SOCS4: variants seen among roughly 807,000 people sequenced by gnomAD.
The protein encoded by SOCS4 is SH2 domain containing SOCS box protein.
SOCS4 carries 20 observed loss-of-function variants against 34.1 expected under a neutral mutation model. That is an observed-to-expected ratio of 0.59 (90% CI 0.41 to 0.85). The LOEUF (loss-of-function observed/expected upper bound fraction) is 0.85, where lower values mean the gene tolerates loss of function less well. Ranked by LOEUF, SOCS4 falls within the 40% of genes least tolerant of loss-of-function variation. SOCS4 has a pLI of 0.00. For synonymous variants in SOCS4, 180 were observed against 186.4 expected, an observed-to-expected ratio of 0.97 and a Z score of 0.28; for missense variants, 479 against 532.4, an observed-to-expected ratio of 0.90 and a Z score of 0.99.
chr14:55,037,682 C>T (rs1186292816), intron 2 of SOCS4, among the ~76,000 whole-genome samples: 1 of 151,876 alleles, frequency 6.6e-6, no homozygotes, highest in African/African-American at 2.4e-5. Flanking sequence ...TTAGTAGAGA[C>T]AGGGTTTCAC....
At chr14:55,038,654 T>G (rs1197031957) in intron 2 of SOCS4, among the ~76,000 whole-genome samples, 1 of 152,210 alleles carries the variant, frequency 6.6e-6, no homozygotes, top group Admixed American at 6.5e-5. Context: ...GTATTTAAAG[T>G]CCTGAGCCCA....
intron 2 of SOCS4, among the ~76,000 whole-genome samples, chr14:55,041,406 G>A (rs990243891): frequency 1.4e-5 from 2 of 142,496 alleles, no homozygotes; most frequent in African/African-American, 5.3e-5. Flanking sequence ...GATTTTTTTT[G>A]TTGCAAAATT....
chr14:55,033,215 C>CA (rs2042544455), intron 2 of SOCS4, among the ~76,000 whole-genome samples: 1 of 152,022 alleles, frequency 6.6e-6, no homozygotes, highest in South Asian at 2.1e-4. Context: ...AGCACAATTT[C>CA]AAAAAACTAA....
At chr14:55,035,596 C>T (rs970787302) in intron 2 of SOCS4, among the ~76,000 whole-genome samples, 1 of 152,118 alleles carries the variant, frequency 6.6e-6, no homozygotes, top group Non-Finnish European at 1.5e-5. Flanking sequence ...GGCTTAGGTG[C>T]TTTAACAAAA....
intron 2 of SOCS4, among the ~76,000 whole-genome samples, chr14:55,034,360 A>G (rs11849961): frequency 0.57 from 87,345 of 152,004 alleles, 27,391 homozygotes; most frequent in African/African-American, 0.85. Context: ...ATTTTCTTCC[A>G]ACTTTGAAGA....
In SOCS4 at chr14:55,048,818, C is replaced by G. The variant is rs1178250764; in HGVS notation, c.*4454C>G. Reference sequence around the variant, plus strand: ...TAGGTGATACTTGTAACTCGACTTCCTGGAGTTAATTCTTCAGCAAGAGGT... The same window carrying G: ...TAGGTGATACTTGTAACTCGACTTCGTGGAGTTAATTCTTCAGCAAGAGGT... On this transcript the variant is annotated 3_prime_UTR_variant, in exon 3 of 3. Transcript: ENST00000555846. 5.4e-5 allele frequency: 9 copies of G among 166,980 alleles called. No homozygotes were observed. The Admixed American group carries it at 5.9e-4, about 11-fold the overall frequency. 10.3% of individuals were successfully genotyped at this position (166,980 alleles called of 1,614,324 possible).
At chr14:55,041,836 G>A (rs2042622403) in intron 2 of SOCS4, among the ~76,000 whole-genome samples, 1 of 120,930 alleles carries the variant, frequency 8.3e-6, no homozygotes, top group South Asian at 2.5e-4. Flanking sequence ...CTGTCCCCCA[G>A]GCTGGAGTGC....
chr14:55,041,158 T>G (rs192208105), intron 2 of SOCS4, among the ~76,000 whole-genome samples: 13 of 152,300 alleles, frequency 8.5e-5, no homozygotes, highest in African/African-American at 3.1e-4. Flanking sequence ...GTGCTGAGAT[T>G]ACAGGCATGA....
Position 55,027,341 on chromosome 14 carries a change from GCTTTGTA to G in SOCS4, c.-349_-343del. On this transcript the variant is annotated 5_prime_UTR_variant, in exon 1 of 3. It removes the in-frame stop codon of an upstream open reading frame in the 5' UTR. Transcript: ENST00000555846. ...GGTTGGGGGTGGCAGAAAAGCATCT[GCTTTGTA>G]AGACCTACACGAGGTGCAGGAGTGG... 12 of 183,530 alleles carry G rather than the reference GCTTTGTA, an allele frequency of 6.5e-5. No individual in the cohort carries two copies. Among genetic ancestry groups the G allele is most frequent in the South Asian group, 3.5e-4 (3 of 8,692 alleles). The allele number at this position is 183,530 out of a possible 1,614,324, so 11.4% of individuals were successfully genotyped here.
rs2042661882 is a variant in SOCS4 at position 55,045,006 on chromosome 14, A to C, written c.*642A>C. 6.0e-6 allele frequency: 1 copy of C among 167,018 alleles called. No individual in the cohort carries two copies. 10.3% of individuals were successfully genotyped at this position (167,018 alleles called of 1,614,324 possible). On this transcript the variant is annotated 3_prime_UTR_variant, in exon 3 of 3. Transcript: ENST00000555846. ...TAAAGCAGGATTACTAAATTTGATT[A>C]ATCTGGTCAATGAGAATCAAATGGA...
chr14:55,038,085 G>A (rs1270298168), intron 2 of SOCS4, among the ~76,000 whole-genome samples: 2 of 152,124 alleles, frequency 1.3e-5, no homozygotes, highest in Non-Finnish European at 2.9e-5. Flanking sequence ...AGGTGAATGA[G>A]GAGCAAAGTC....
intron 2 of SOCS4, among the ~76,000 whole-genome samples, chr14:55,032,326 C>G (rs2140242599): frequency 6.6e-6 from 1 of 152,234 alleles, no homozygotes; most frequent in East Asian, 1.9e-4. Context: ...ACCTTCTCAG[C>G]CTTAGTCAGT....
In SOCS4 at chr14:55,045,930, G is replaced by A. The variant is rs2140251493; in HGVS notation, c.*1566G>A. Reference sequence around the variant, plus strand: ...TAGCATTTCCCTATCTTGCAGTTCTGTTAACATGAAAATGGCATTTTTCCA... The same window carrying A: ...TAGCATTTCCCTATCTTGCAGTTCTATTAACATGAAAATGGCATTTTTCCA... On this transcript the variant is annotated 3_prime_UTR_variant, in exon 3 of 3. Transcript: ENST00000555846. The A allele has an allele frequency of 6.0e-6, 1 of 166,904 alleles. No individual in the cohort carries two copies. 10.3% of individuals were successfully genotyped at this position (166,904 alleles called of 1,614,324 possible).
At chr14:55,035,017 C>T (rs1349227150) in intron 2 of SOCS4, among the ~76,000 whole-genome samples, 1 of 152,080 alleles carries the variant, frequency 6.6e-6, no homozygotes, top group Non-Finnish European at 1.5e-5. Flanking sequence ...CACGCCACCA[C>T]ACCCGGCTAA....
In SOCS4 at chr14:55,032,533, T is replaced by TA. The variant is rs111714488; in HGVS notation, c.-91+553dup. ...TTTTTGCTCATTAAGAAATATGACT[T>TA]AAAAAAAAAAAGATGTCATTCTGTA... On this transcript the variant is annotated intron_variant, in intron 2 of 2. Coordinates refer to ENST00000555846, the MANE Select transcript of SOCS4 (RefSeq NM_199421.2). Among the ~76,000 whole-genome samples, 499 of 146,152 alleles carry TA rather than the reference T, an allele frequency of 3.4e-3. 3 individuals carry two copies. Among genetic ancestry groups the TA allele is most frequent in the African/African-American group, 0.012 (466 of 40,140 alleles).
In SOCS4 at chr14:55,046,465, G is replaced by A. The variant is rs1329338537; in HGVS notation, c.*2101G>A. On this transcript the variant is annotated 3_prime_UTR_variant, in exon 3 of 3. Coordinates refer to ENST00000555846, the MANE Select transcript of SOCS4 (RefSeq NM_199421.2). The stretch of plus-strand genomic sequence containing the variant: ...GACTAGCTTACAAATATTCTGTTAA[G>A]GGGTAGTTTTATAAAGAAAAATGAT... 6.0e-6 allele frequency: 1 copy of A among 166,480 alleles called. No individual in the cohort carries two copies. Among genetic ancestry groups the A allele is most frequent in the Non-Finnish European group, 1.5e-5 (1 of 67,734 alleles). The allele number at this position is 166,480 out of a possible 1,614,324, so 10.3% of individuals were successfully genotyped here.
At chr14:55,041,826 C>G (rs2042622129) in intron 2 of SOCS4, among the ~76,000 whole-genome samples, 1 of 83,928 alleles carries the variant, frequency 1.2e-5, no homozygotes, top group Non-Finnish European at 2.4e-5. Flanking sequence ...AAGTCTCGCT[C>G]TGTCCCCCAG....
intron 2 of SOCS4, among the ~76,000 whole-genome samples, chr14:55,032,842 G>C (rs1205093199): frequency 6.6e-6 from 1 of 152,028 alleles, no homozygotes; most frequent in Non-Finnish European, 1.5e-5. Context: ...GAGTGCAGAG[G>C]CACGATCTCA....
intron 2 of SOCS4, among the ~76,000 whole-genome samples, chr14:55,039,734 A>T (rs1459770141): frequency 6.6e-6 from 1 of 152,098 alleles, no homozygotes; most frequent in East Asian, 1.9e-4. Flanking sequence ...TCTACTAAAA[A>T]TACAAAAAAA....
Sources: gnomAD v4.1 joint callset for allele counts (sites outside exome capture counted in the v4.1 genomes callset) on GRCh38, gnomAD v4.1.1 for gene constraint, MANE v1.5 for transcripts, NCBI Gene and HGNC (gene_info 2026-07-23, HGNC 2026-07-21) for gene names.